EDA2R: variants seen among roughly 807,000 people sequenced by gnomAD.
EDA2R encodes tumor necrosis factor receptor superfamily member 27.
EDA2R carries 26 observed loss-of-function variants against 20.1 expected under a neutral mutation model. That is an observed-to-expected ratio of 1.30 (90% CI 0.95 to 1.80). The LOEUF is 1.80. Among genes scored for constraint, EDA2R ranks in the 40% most tolerant of loss-of-function variants. The pLI is 0.00. For missense variants in EDA2R, 277 were observed against 228.7 expected, an observed-to-expected ratio of 1.21 and a Z score of -1.36; for synonymous variants, 114 against 88.7, an observed-to-expected ratio of 1.29 and a Z score of -1.60.
At chrX:66,600,231 T>C (rs1928310069) in intron 5 of EDA2R, 3 of 482,765 alleles carry the variant, frequency 6.2e-6, no homozygotes, top group South Asian at 7.1e-5. Context: ...ATTAAAGTTA[T>C]GGATTTCAAA....
intron 2 of EDA2R, among the ~76,000 whole-genome samples, chrX:66,614,344 C>T (rs1380881739): frequency 9.0e-6 from 1 of 111,667 alleles, no homozygotes; most frequent in Non-Finnish European, 1.9e-5. Context: ...TTGCCTGTCT[C>T]CAGACTTCAT....
chrX:66,631,377 A>G (rs1431794188), intron 1 of EDA2R, among the ~76,000 whole-genome samples: 1 of 111,277 alleles, frequency 9.0e-6, no homozygotes, highest in Non-Finnish European at 1.9e-5. Flanking sequence ...TAATTAATAG[A>G]TTAAAAAATA....
chrX:66,625,457 C>A (rs1034545338), intron 1 of EDA2R, among the ~76,000 whole-genome samples: 22 of 110,965 alleles, frequency 2.0e-4, no homozygotes, highest in Admixed American at 1.8e-3. Context: ...CCTAGGTACA[C>A]AACTCCATGG....
intron 1 of EDA2R, among the ~76,000 whole-genome samples, chrX:66,638,172 T>C (rs1196134107): frequency 9.0e-6 from 1 of 111,640 alleles, no homozygotes; most frequent in Admixed American, 9.5e-5. Context: ...CAGACAGACA[T>C]CTCACTGTCT....
chrX:66,627,367 T>C (rs981525946), intron 1 of EDA2R, among the ~76,000 whole-genome samples: 10 of 111,891 alleles, frequency 8.9e-5, no homozygotes, highest in Non-Finnish European at 1.1e-4. Flanking sequence ...CAACAAATTA[T>C]CTGCTGCCTT....
At chrX:66,638,183 C>T (rs1381234616) in intron 1 of EDA2R, among the ~76,000 whole-genome samples, 5 of 111,720 alleles carry the variant, frequency 4.5e-5, no homozygotes, top group African/African-American at 1.6e-4. Flanking sequence ...CTCACTGTCT[C>T]ACACATGGTG....
intron 2 of EDA2R, among the ~76,000 whole-genome samples, chrX:66,615,566 G>C (rs1931531270): frequency 9.0e-6 from 1 of 111,709 alleles, no homozygotes; most frequent in Non-Finnish European, 1.9e-5. Context: ...TAGAACAGAG[G>C]TCTTCTTGGC....
intron 2 of EDA2R, among the ~76,000 whole-genome samples, chrX:66,611,530 A>T (rs750739120): frequency 4.9e-4 from 55 of 111,803 alleles, no homozygotes; most frequent in Non-Finnish European, 8.8e-4. Context: ...TATTAAAAAT[A>T]AAATGACAGA....
intron 2 of EDA2R, among the ~76,000 whole-genome samples, chrX:66,612,184 C>A (rs1930865508): frequency 9.0e-6 from 1 of 110,760 alleles, no homozygotes; most frequent in Admixed American, 9.6e-5. Context: ...AAAGAGAGTT[C>A]ATAAAACACA....
intron 5 of EDA2R, among the ~76,000 whole-genome samples, chrX:66,600,753 T>C (rs1300786633): frequency 1.8e-5 from 2 of 112,215 alleles, no homozygotes; most frequent in Non-Finnish European, 3.8e-5. Flanking sequence ...TGAGAACCTA[T>C]GGGATTTGTG....
rs1266696832 is a variant in EDA2R at position 66,596,031 on chromosome X, A to G, written c.*2073T>C. 3 of 110,591 alleles carry G rather than the reference A, an allele frequency of 2.7e-5. No homozygotes were observed. The Admixed American group carries it at 2.9e-4, about 11-fold the overall frequency. 9.1% of individuals were successfully genotyped at this position (110,591 alleles called of 1,213,427 possible). Reference sequence around the variant, plus strand: ...TATGGAGAGAAAAACAGTAATCCAAAAAAAAAAAAATTCATTCTCAGGAAA... The same window carrying G: ...TATGGAGAGAAAAACAGTAATCCAAGAAAAAAAAAATTCATTCTCAGGAAA... On this transcript the variant is annotated 3_prime_UTR_variant, in exon 7 of 7. Coordinates refer to ENST00000374719, the MANE Select transcript of EDA2R (RefSeq NM_021783.5).
chrX:66,616,058 A>G, intron 1 of EDA2R, 28 bp from the exon 2 acceptor site: 1 of 1,060,511 alleles, frequency 9.4e-7, no homozygotes, highest in Non-Finnish European at 1.3e-6. Context: ...AAGAACTAGC[A>G]AGCTAGTGGG....
intron 5 of EDA2R, among the ~76,000 whole-genome samples, chrX:66,601,532 A>G (rs1928600958): frequency 8.9e-6 from 1 of 112,179 alleles, no homozygotes; most frequent in East Asian, 2.8e-4. Flanking sequence ...TTTCAAGATC[A>G]TCTGCTAGGC....
intron 1 of EDA2R, among the ~76,000 whole-genome samples, chrX:66,621,505 T>C (rs1932615285): frequency 8.9e-6 from 1 of 112,493 alleles, no homozygotes; most frequent in African/African-American, 3.2e-5. Context: ...AATCCACATG[T>C]TCATCAACTG....
intron 1 of EDA2R, among the ~76,000 whole-genome samples, chrX:66,619,917 G>A (rs1299856885): frequency 9.0e-6 from 1 of 111,142 alleles, no homozygotes; most frequent in Non-Finnish European, 1.9e-5. Flanking sequence ...AATTTTTACT[G>A]TGTACATGCC....
intron 1 of EDA2R, among the ~76,000 whole-genome samples, chrX:66,618,962 G>A (rs1187854048): frequency 8.9e-6 from 1 of 112,286 alleles, no homozygotes; most frequent in African/African-American, 3.2e-5. Flanking sequence ...AAAATTAAAT[G>A]CAATAATACA....
rs367713649 is a variant in EDA2R at position 66,632,436 on chromosome X, GC to G, written c.-11+6558del. On this transcript the variant is annotated intron_variant, in intron 1 of 6. Coordinates refer to ENST00000374719, the MANE Select transcript of EDA2R (RefSeq NM_021783.5). ...CTCAAACAAAGAAGAAGAAGAAGAAGCAGGAGGAGGAGGAGGAGGAGGGTGA... is the reference window on the plus strand; with the variant it reads ...CTCAAACAAAGAAGAAGAAGAAGAAGAGGAGGAGGAGGAGGAGGAGGGTGA... Among the ~76,000 whole-genome samples the G allele has an allele frequency of 7.4e-4, 77 of 103,969 alleles. 1 individual carries two copies. The highest frequency in any genetic ancestry group is 8.6e-4 in the African/African-American group (25 of 29,162). 90.3% of individuals were successfully genotyped at this position (103,969 alleles called of 115,157 possible).
chrX:66,608,803 A>G (rs1930182744), intron 2 of EDA2R, among the ~76,000 whole-genome samples: 2 of 111,591 alleles, frequency 1.8e-5, no homozygotes, highest in Non-Finnish European at 3.8e-5. Flanking sequence ...TATCTAGAAT[A>G]GCAAAATTTG....
In EDA2R at chrX:66,599,554, C is replaced by T. The variant is rs921680648; in HGVS notation, c.824G>A (p.Gly275Glu). ...TCCAGTGCTTTCGACTGTGTTTCCC[C>T]CCAAGGTCTCAGCTCCAGTATAGGA... ...SASYTGAETL[G>E]GNTVESTGDR... The change falls in exon 6 of 7, where the codon GGG becomes GAG. Residue 275 changes from glycine to glutamate, a missense_variant. Gly to Glu is a moderately conservative substitution (Grantham distance 98, BLOSUM62 -2). Transcript: ENST00000374719. 8.4e-7 allele frequency: 1 copy of T among 1,189,841 alleles called. No homozygotes were observed. The highest frequency in any genetic ancestry group is 3.1e-5 in the East Asian group (1 of 32,705).
Sources: gnomAD v4.1 joint callset for allele counts (sites outside exome capture counted in the v4.1 genomes callset) on GRCh38, gnomAD v4.1.1 for gene constraint, MANE v1.5 for transcripts, NCBI Gene and HGNC (gene_info 2026-07-23, HGNC 2026-07-21) for gene names.